The following ADAMTS6 variants were observed in gnomAD, a reference collection of about 807,000 sequenced individuals.
ADAMTS6 encodes the protein A disintegrin and metalloproteinase with thrombospondin motifs 6.
Under a neutral mutation model 144.3 loss-of-function variants are expected in ADAMTS6, and 23 were observed. That is an observed-to-expected ratio of 0.16 (90% confidence interval 0.11 to 0.23). The LOEUF is 0.23. Ranked by LOEUF, ADAMTS6 falls within the 10% of genes least tolerant of loss-of-function variation. The pLI is 1.00. For synonymous variants in ADAMTS6, 444 were observed against 457.5 expected, an observed-to-expected ratio of 0.97 and a Z score of 0.38; for missense variants, 999 against 1,379.6, an observed-to-expected ratio of 0.72 and a Z score of 4.37.
intron 3 of ADAMTS6, among the ~76,000 whole-genome samples, chr5:65,466,367 C>A (rs539686276): frequency 6.6e-6 from 1 of 152,310 alleles, no homozygotes; most frequent in Middle Eastern, 3.4e-3. Flanking sequence ...AAATCTTATC[C>A]CTCAGATGCC....
At chr5:65,333,440 CTCT>C (rs1400555439) in intron 8 of ADAMTS6, among the ~76,000 whole-genome samples, 9 of 152,168 alleles carry the variant, frequency 5.9e-5, no homozygotes, top group Admixed American at 2.6e-4. Context: ...ATCCTGTCCT[CTCT>C]TTTCACCTGT....
At chr5:65,452,644 A>T in intron 5 of ADAMTS6, 63 bp downstream of exon 5, 4 of 1,552,562 alleles carry the variant, frequency 2.6e-6, no homozygotes, top group Non-Finnish European at 3.5e-6. Flanking sequence ...GCAAAAATTT[A>T]TGACCTTAGT....
intron 18 of ADAMTS6, among the ~76,000 whole-genome samples, chr5:65,222,104 C>T (rs1757362739): frequency 6.6e-6 from 1 of 152,108 alleles, no homozygotes; most frequent in Non-Finnish European, 1.5e-5. Context: ...AAAGATTTGT[C>T]TCAATTGACA....
At chr5:65,262,767 C>G in intron 13 of ADAMTS6, 50 bp downstream of exon 13, 1 of 1,459,282 alleles carries the variant, frequency 6.9e-7, no homozygotes, top group Non-Finnish European at 9.0e-7. Context: ...AGCTTTGAAT[C>G]ATTTCCAACT....
intron 7 of ADAMTS6, among the ~76,000 whole-genome samples, chr5:65,451,012 T>C (rs779923157): frequency 6.6e-6 from 1 of 152,188 alleles, no homozygotes; most frequent in Non-Finnish European, 1.5e-5. Context: ...TAAATAAACA[T>C]TCAAGTAAGT....
At chr5:65,259,208 T>C (rs528900499) in intron 14 of ADAMTS6, among the ~76,000 whole-genome samples, 28 of 37,278 alleles carry the variant, frequency 7.5e-4, no homozygotes, top group African/African-American at 2.5e-3. Flanking sequence ...AAAGTGTATA[T>C]ATATATATAT....
intron 24 of ADAMTS6, among the ~76,000 whole-genome samples, chr5:65,164,213 A>C (rs56866175): frequency 0.072 from 10,930 of 151,894 alleles, 1,300 homozygotes; most frequent in African/African-American, 0.25. Flanking sequence ...GCATTGCCTC[A>C]CCTGGGAAGC....
chr5:65,466,814 G>C (rs1269322803), intron 3 of ADAMTS6, among the ~76,000 whole-genome samples: 1 of 152,154 alleles, frequency 6.6e-6, no homozygotes, highest in Non-Finnish European at 1.5e-5. Flanking sequence ...AGGCCGAGGT[G>C]GGCGGATCAC....
chr5:65,302,190 T>G (rs1743480688), intron 9 of ADAMTS6, among the ~76,000 whole-genome samples: 1 of 144,442 alleles, frequency 6.9e-6, no homozygotes, highest in African/African-American at 2.5e-5. Flanking sequence ...ATATATTATA[T>G]ATTTATATGA....
intron 7 of ADAMTS6, among the ~76,000 whole-genome samples, chr5:65,423,727 A>C (rs1756268306): frequency 6.6e-6 from 1 of 152,166 alleles, no homozygotes; most frequent in Admixed American, 6.5e-5. Context: ...ATGTACTTGA[A>C]GTTATATTCT....
Position 65,197,041 on chromosome 5 carries a change from T to C in ADAMTS6, c.2686A>G (p.Thr896Ala). ...ACTTACTCAGGTGGGCAGGGCTCAG[T>C]GTTGCAGGCTCTTTGATTTTCAGGT... ...KPPENQRACN[T>A]EPCPPEWFIG... is the part of the protein sequence containing the mutation. Residue 896 changes from threonine (T) to alanine (A), a missense_variant, in exon 21 of 25, where the codon ACT (threonine) becomes GCT (alanine). By Grantham distance (58) the Thr-to-Ala change is moderately conservative (BLOSUM62 0). Coordinates refer to ENST00000381055, the MANE Select transcript of ADAMTS6 (RefSeq NM_197941.4). The C allele has an allele frequency of 6.2e-7, 1 of 1,613,658 alleles. No homozygotes were observed. The highest frequency in any genetic ancestry group is 1.7e-5 in the Admixed American group (1 of 60,008).
At chr5:65,398,631 C>G (rs1485836537) in intron 7 of ADAMTS6, among the ~76,000 whole-genome samples, 1 of 151,810 alleles carries the variant, frequency 6.6e-6, no homozygotes, top group Non-Finnish European at 1.5e-5. Flanking sequence ...GAGGCTGAGG[C>G]AGGAGAATCG....
At chr5:65,295,216 G>A (rs1742719063) in intron 10 of ADAMTS6, among the ~76,000 whole-genome samples, 1 of 151,868 alleles carries the variant, frequency 6.6e-6, no homozygotes, top group Admixed American at 6.6e-5. Context: ...AAATCTATTA[G>A]GTCGGTGCAA....
intron 13 of ADAMTS6, among the ~76,000 whole-genome samples, chr5:65,261,489 A>C (rs1479611255): frequency 3.3e-5 from 5 of 151,990 alleles, no homozygotes; most frequent in African/African-American, 1.2e-4. Context: ...AATTTATAGC[A>C]GCTTTCAGTT....
intron 3 of ADAMTS6, among the ~76,000 whole-genome samples, chr5:65,463,667 A>G (rs1212786822): frequency 6.6e-6 from 1 of 152,146 alleles, no homozygotes; most frequent in Non-Finnish European, 1.5e-5. Context: ...GATTATGTAC[A>G]TCTTGTTTTC....
intron 22 of ADAMTS6, among the ~76,000 whole-genome samples, chr5:65,177,635 A>G (rs2112115082): frequency 6.6e-6 from 1 of 152,330 alleles, no homozygotes; most frequent in African/African-American, 2.4e-5. Flanking sequence ...CAGTTTTTGT[A>G]ATTTCCTAAA....
intron 9 of ADAMTS6, among the ~76,000 whole-genome samples, chr5:65,301,532 T>C (rs10042323): frequency 0.53 from 80,002 of 151,912 alleles, 21,208 homozygotes; most frequent in African/African-American, 0.57. Context: ...GTAAGAGCAA[T>C]GGAAGATTTC....
chr5:65,215,382 G>T lies in ADAMTS6; in HGVS notation c.2378C>A (p.Thr793Asn), dbSNP rs1326008322. The T allele has an allele frequency of 6.2e-7, 1 of 1,613,962 alleles. No homozygotes were observed. Among genetic ancestry groups the T allele is most frequent in the Non-Finnish European group, 8.5e-7 (1 of 1,179,970 alleles). ...AGCTTCCAAGGATTCTGGTTCATCA[G>T]TTGGTCTCTTGTAATGAAAAGCTGT... ...AGTAFHYKRP[T>N]DEPESLEALG... is the part of the protein sequence containing the mutation. Residue 793 changes from threonine to asparagine, a missense_variant, in exon 19 of 25, where the codon ACT becomes AAT. Thr to Asn is a moderately conservative substitution (Grantham distance 65). Transcript: ENST00000381055.
chr5:65,470,693 T>TATA (rs368646553), intron 3 of ADAMTS6, 85 bp downstream of exon 3: 4 of 662,396 alleles, frequency 6.0e-6, no homozygotes, highest in Non-Finnish European at 7.8e-6. Context: ...TATATATATA[T>TATA]TTTTTTTTTA....
Sources: allele counts gnomAD v4.1 joint callset (sites outside exome capture counted in the v4.1 genomes callset), GRCh38; gene constraint gnomAD v4.1.1; transcripts MANE v1.5; gene names NCBI Gene and HGNC (gene_info 2026-07-23, HGNC 2026-07-21).